The following CELF2 variants were observed in gnomAD, a reference collection of about 807,000 sequenced individuals.
CELF2 encodes CUG triplet repeat RNA-binding protein 2.
A neutral mutation model predicts 62.6 loss-of-function variants in CELF2; 8 were observed. That is an observed-to-expected ratio of 0.13 (90% CI 0.07 to 0.23). The LOEUF (loss-of-function observed/expected upper bound fraction) is 0.23. Ranked by LOEUF, CELF2 falls within the 10% of genes least tolerant of loss-of-function variation. The pLI is 1.00. For missense variants in CELF2, 333 were observed against 671.0 expected, an observed-to-expected ratio of 0.50 and a Z score of 5.56; for synonymous variants, 258 against 250.0, an observed-to-expected ratio of 1.03 and a Z score of -0.30.
At chr10:11,254,819 A>C (rs184186586) in intron 4 of CELF2, among the ~76,000 whole-genome samples, 1 of 152,362 alleles carries the variant, frequency 6.6e-6, no homozygotes, top group Admixed American at 6.5e-5. Context: ...TGCTGGGGGT[A>C]GGAGTCTCGG....
intron 5 of CELF2, 131 bp downstream of exon 5, chr10:11,258,003 C>G (rs1334691374): frequency 9.6e-7 from 1 of 1,041,336 alleles, no homozygotes; most frequent in Non-Finnish European, 1.4e-6. Flanking sequence ...TAAAGTTATC[C>G]AACCTGAACT....
the CELF2 span, among the ~76,000 whole-genome samples, chr10:10,737,488 G>C: frequency 6.6e-6 from 1 of 152,078 alleles, no homozygotes; most frequent in Non-Finnish European, 1.5e-5. Flanking sequence ...TTGTCTGGGA[G>C]TTATGACTTT....
chr10:10,620,892 T>C, the CELF2 span, among the ~76,000 whole-genome samples: 2 of 103,576 alleles, frequency 1.9e-5, no homozygotes, highest in East Asian at 3.0e-4. Flanking sequence ...CACTCCAGCC[T>C]GGGTGACAGA....
chr10:11,293,461 T>C (rs913486371), intron 9 of CELF2, among the ~76,000 whole-genome samples: 1 of 152,234 alleles, frequency 6.6e-6, no homozygotes, highest in Non-Finnish European at 1.5e-5. Context: ...CACATCGTAT[T>C]GCTGAGTAAG....
intron 1 of CELF2, among the ~76,000 whole-genome samples, chr10:11,092,565 A>G (rs912756964): frequency 2.0e-5 from 3 of 152,262 alleles, no homozygotes; most frequent in Admixed American, 1.3e-4. Flanking sequence ...ACAGTCATGC[A>G]GAAATATGAT....
At chr10:10,589,996 C>A in the CELF2 span, among the ~76,000 whole-genome samples, 3 of 152,266 alleles carry the variant, frequency 2.0e-5, no homozygotes, top group South Asian at 4.1e-4. Flanking sequence ...GGCAGGAAAT[C>A]TGGGACAGGT....
chr10:11,202,720 A>T (rs1228581819), intron 2 of CELF2, among the ~76,000 whole-genome samples: 1 of 152,222 alleles, frequency 6.6e-6, no homozygotes, highest in Non-Finnish European at 1.5e-5. Context: ...ATCGAATATA[A>T]TTTAGAACTA....
At chr10:11,112,766 C>T (rs1745233738) in intron 1 of CELF2, among the ~76,000 whole-genome samples, 3 of 152,240 alleles carry the variant, frequency 2.0e-5, no homozygotes, top group Admixed American at 2.0e-4. Context: ...ATGGCAAGTG[C>T]AAACTAATTT....
At chr10:11,040,617 A>T (rs1341585142) in intron 1 of CELF2, among the ~76,000 whole-genome samples, 1 of 152,114 alleles carries the variant, frequency 6.6e-6, no homozygotes, top group East Asian at 1.9e-4. Flanking sequence ...TGGTTCAACA[A>T]ATGCTTTTAA....
At chr10:10,724,483 A>T in the CELF2 span, among the ~76,000 whole-genome samples, 9 of 151,922 alleles carry the variant, frequency 5.9e-5, no homozygotes, top group Non-Finnish European at 1.3e-4. Flanking sequence ...ATGAAACCCC[A>T]TCTCTATTAA....
At chr10:10,558,402 A>AT in the CELF2 span, among the ~76,000 whole-genome samples, 1 of 152,044 alleles carries the variant, frequency 6.6e-6, no homozygotes, top group South Asian at 2.1e-4. Context: ...ATCATGGTGG[A>AT]TAAGCTTTTT....
intron 2 of CELF2, among the ~76,000 whole-genome samples, chr10:10,984,065 A>G (rs902850672): frequency 6.6e-6 from 1 of 152,218 alleles, no homozygotes; most frequent in Non-Finnish European, 1.5e-5. Context: ...GCTAGTACTT[A>G]TTAAGTGTCT....
rs745623772 is a variant in CELF2 at position 11,321,167 on chromosome 10, T to C, written c.1097-22T>C. ...ATGAATAAGTGCTGTTTCTCTTCTC[T>C]ATTGTTGGGTTTTTTGTAAAGTTGC... On this transcript the variant is annotated intron_variant, in intron 10 of 12. Coordinates refer to ENST00000633077, the MANE Select transcript of CELF2 (RefSeq NM_001326342.2). This position sits in a 1 kb window ranked among gnomAD's most constrained non-coding sequence, Gnocchi z 6.2. 1 of 1,612,956 alleles carries C rather than the reference T, an allele frequency of 6.2e-7. No homozygotes were observed. Among genetic ancestry groups the C allele is most frequent in the South Asian group, 1.1e-5 (1 of 91,068 alleles).
At chr10:10,557,658 G>A in the CELF2 span, among the ~76,000 whole-genome samples, 43 of 151,678 alleles carry the variant, frequency 2.8e-4, no homozygotes, top group African/African-American at 9.2e-4. Flanking sequence ...GATTCTTCCT[G>A]CCCATGAGCA....
the CELF2 span, among the ~76,000 whole-genome samples, chr10:10,493,260 A>AT: frequency 6.7e-4 from 102 of 152,170 alleles, no homozygotes; most frequent in Non-Finnish European, 8.4e-4. Context: ...TAGAATGGTG[A>AT]TTGCCAGGGT....
At chr10:11,241,134 G>A (rs2073751780) in intron 3 of CELF2, among the ~76,000 whole-genome samples, 2 of 152,156 alleles carry the variant, frequency 1.3e-5, no homozygotes, top group Non-Finnish European at 2.9e-5. Flanking sequence ...TTGTCTAAAG[G>A]CTCCATTCCA....
At chr10:10,954,156 T>C (rs1214592107) in intron 2 of CELF2, among the ~76,000 whole-genome samples, 1 of 151,278 alleles carries the variant, frequency 6.6e-6, no homozygotes, top group African/African-American at 2.4e-5. Context: ...CCTCTCCCAC[T>C]GTGGATAGGA....
chr10:10,529,224 G>A, the CELF2 span, among the ~76,000 whole-genome samples: 1 of 152,128 alleles, frequency 6.6e-6, no homozygotes, highest in Non-Finnish European at 1.5e-5. Flanking sequence ...TCTTTTTAGT[G>A]GATGGAGATT....
intron 9 of CELF2, among the ~76,000 whole-genome samples, chr10:11,292,773 A>G (rs2092689038): frequency 6.6e-6 from 1 of 152,004 alleles, no homozygotes; most frequent in Non-Finnish European, 1.5e-5. Flanking sequence ...TGCCTGCCCC[A>G]CCCTGCTAAA....
Sources: allele counts gnomAD v4.1 joint callset (sites outside exome capture counted in the v4.1 genomes callset), GRCh38; gene constraint gnomAD v4.1.1; non-coding constraint Gnocchi (gnomAD v3.1); transcripts MANE v1.5; gene names NCBI Gene and HGNC (gene_info 2026-07-23, HGNC 2026-07-21).